Variants in ABCC4 observed in about 807,000 individuals in gnomAD.
ABCC4 encodes the protein ATP-binding cassette sub-family C member 4.
Under a neutral mutation model 168.5 loss-of-function variants are expected in ABCC4, and 102 were observed. The observed-to-expected ratio is 0.61, with a 90% CI of 0.52 to 0.71. The LOEUF (loss-of-function observed/expected upper bound fraction) is 0.71. Ranked by LOEUF, ABCC4 falls within the 30% of genes least tolerant of loss-of-function variation. The pLI, the probability that ABCC4 is intolerant of heterozygous loss-of-function variation, is 0.00. For missense variants in ABCC4, 1,402 were observed against 1,605.8 expected (o/e 0.87, Z 2.17); for synonymous variants, 617 against 590.7 (o/e 1.04, Z -0.65).
chr13:95,042,084 C>G (rs1037795684), intron 29 of ABCC4, among the ~76,000 whole-genome samples: 1 of 152,138 alleles, frequency 6.6e-6, no homozygotes, highest in Non-Finnish European at 1.5e-5. Context: ...GATGGAGACA[C>G]TAATGGAGTT....
chr13:95,159,412 G>A (rs2037012455), intron 19 of ABCC4, among the ~76,000 whole-genome samples: 1 of 151,900 alleles, frequency 6.6e-6, no homozygotes, highest in African/African-American at 2.4e-5. Context: ...AATAGATATA[G>A]GAGGAGGAAG....
intron 19 of ABCC4, among the ~76,000 whole-genome samples, chr13:95,137,914 G>GAATA (rs2139470344): frequency 6.6e-6 from 1 of 152,194 alleles, no homozygotes; most frequent in South Asian, 2.1e-4. Flanking sequence ...ATAAATATCT[G>GAATA]AATAAATAAA....
At position 95,178,886 on chromosome 13, in the gene ABCC4, G is replaced by A. The variant is rs114692058; in HGVS notation, c.1546-795C>T. Among the ~76,000 whole-genome samples the A allele has an allele frequency of 5.5e-3, 839 of 152,290 alleles. 9 individuals carry two copies. The highest frequency in any genetic ancestry group is 0.019 in the African/African-American group (800 of 41,542). On this transcript the variant is annotated intron_variant, in intron 11 of 30. Coordinates refer to ENST00000645237, the MANE Select transcript of ABCC4 (RefSeq NM_005845.5). ...GTCATGTGCTGAACAAATTTTAAAG[G>A]TAGCACCTATAGGATCTGCTGATGA...
At chr13:95,079,720 A>G (rs1360464520) in intron 21 of ABCC4, among the ~76,000 whole-genome samples, 1 of 152,170 alleles carries the variant, frequency 6.6e-6, no homozygotes, top group Non-Finnish European at 1.5e-5. Context: ...CTGCAGTCCT[A>G]GCTATTCAGG....
intron 19 of ABCC4, among the ~76,000 whole-genome samples, chr13:95,132,306 C>T (rs2035994559): frequency 6.6e-6 from 1 of 152,116 alleles, no homozygotes; most frequent in Non-Finnish European, 1.5e-5. Flanking sequence ...ACTTCCGCCT[C>T]CTGGGTTCAA....
chr13:95,198,797 T>C (rs2038535880), intron 8 of ABCC4, among the ~76,000 whole-genome samples: 1 of 152,178 alleles, frequency 6.6e-6, no homozygotes, highest in Non-Finnish European at 1.5e-5. Flanking sequence ...GATGAGTTCA[T>C]GTCCTTTACA....
Position 95,034,715 on chromosome 13 carries a change from C to T in ABCC4, c.3760G>A (p.Glu1254Lys). The T allele has an allele frequency of 6.2e-7, 1 of 1,614,162 alleles. No homozygotes were observed. Among genetic ancestry groups the T allele is most frequent in the Non-Finnish European group, 8.5e-7 (1 of 1,180,024 alleles). The change falls in exon 30 of 31, where the codon GAA becomes AAA. Residue 1254 changes from glutamate to lysine, a missense_variant. Transcript: ENST00000645237. ...IMVLDSGRLK[E>K]YDEPYVLLQN... ...AGCAAAACATACGGCTCATCATATT[C>T]TTTCAGTCTTCCTGAATCTAAAACC...
chr13:95,193,399 G>A (rs186580145), intron 9 of ABCC4, among the ~76,000 whole-genome samples: 22 of 152,312 alleles, frequency 1.4e-4, no homozygotes, highest in Admixed American at 3.9e-4. Flanking sequence ...CCCAAATCTT[G>A]CTGGCAGCTG....
At chr13:95,110,619 G>T (rs987873796) in intron 20 of ABCC4, among the ~76,000 whole-genome samples, 4 of 152,052 alleles carry the variant, frequency 2.6e-5, no homozygotes, top group Non-Finnish European at 5.9e-5. Context: ...ATTGTTTTAA[G>T]AAAATGGAAG....
intron 1 of ABCC4, among the ~76,000 whole-genome samples, chr13:95,283,011 T>C (rs1432100330): frequency 6.6e-6 from 1 of 151,620 alleles, no homozygotes; most frequent in Non-Finnish European, 1.5e-5. Flanking sequence ...AGGTCAGGAA[T>C]CAAGACCATC....
intron 20 of ABCC4, among the ~76,000 whole-genome samples, chr13:95,115,225 C>T (rs1391334173): frequency 1.4e-5 from 2 of 146,418 alleles, no homozygotes; most frequent in East Asian, 3.9e-4. Context: ...GCCTCAAGTT[C>T]ACAAACAAAA....
chr13:95,226,719 C>T (rs933222683), intron 4 of ABCC4, among the ~76,000 whole-genome samples: 7 of 152,122 alleles, frequency 4.6e-5, no homozygotes, highest in African/African-American at 1.4e-4. Context: ...CTACAAAGTG[C>T]CTGGACACCT....
intron 14 of ABCC4, among the ~76,000 whole-genome samples, chr13:95,167,819 C>T (rs1358482798): frequency 6.6e-6 from 1 of 152,096 alleles, no homozygotes; most frequent in East Asian, 1.9e-4. Flanking sequence ...GGGTCGACAG[C>T]AAGAAGCAAG....
chr13:95,163,940 C>T (rs888617749), intron 16 of ABCC4, among the ~76,000 whole-genome samples: 2 of 150,668 alleles, frequency 1.3e-5, no homozygotes, highest in Non-Finnish European at 2.9e-5. Flanking sequence ...ACTCCGGAGG[C>T]TGAGACAGGA....
At position 95,043,693 on chromosome 13, in the gene ABCC4, C is replaced by T. The variant is rs2032456102; in HGVS notation, c.3724G>A (p.Asp1242Asn). 5 of 1,610,998 alleles carry T rather than the reference C, an allele frequency of 3.1e-6. No homozygotes were observed. The highest frequency in any genetic ancestry group is 1.3e-5 in the African/African-American group (1 of 74,918). ...GGTGAAGGACTCACCATTATCTTGT[C>T]GCTGTCAATAATGGTGTTCAATCTG... ...AHRLNTIIDS[D>N]KIMVLDSGRL... Residue 1242 changes from aspartate (D) to asparagine (N), a missense_variant, in exon 29 of 31, where the codon GAC (aspartate) becomes AAC (asparagine). Around this residue, in one of 3 missense-constraint regions of ABCC4, gnomAD observed 1,007 missense variants for 1,127.3 expected, o/e 0.89. Transcript: ENST00000645237.
At chr13:95,096,024 C>A in intron 20 of ABCC4, 1 of 408,636 alleles carries the variant, frequency 2.4e-6, no homozygotes, top group South Asian at 9.5e-5. Flanking sequence ...AATGAAAATT[C>A]TATAAACAAA....
At chr13:95,176,223 C>CGGGGGGGGGGG (rs1491246023) in intron 13 of ABCC4, among the ~76,000 whole-genome samples, 1 of 10,578 alleles carries the variant, frequency 9.5e-5, no homozygotes, top group Admixed American at 2.0e-3. Context: ...AAGCCGAGGG[C>CGGGGGGGGGGG]AGGGGGGGGG....
At chr13:95,161,006 C>CG (rs2037080397) in intron 19 of ABCC4, among the ~76,000 whole-genome samples, 183 bp downstream of exon 19, 2 of 150,658 alleles carry the variant, frequency 1.3e-5, no homozygotes, top group South Asian at 4.3e-4. Context: ...CCCCTCCCCC[C>CG]GCATATTTAG....
At chr13:95,222,937 A>G (rs1185136466) in intron 4 of ABCC4, among the ~76,000 whole-genome samples, 1 of 152,136 alleles carries the variant, frequency 6.6e-6, no homozygotes, top group Non-Finnish European at 1.5e-5. Context: ...CAGCCTCTCC[A>G]TCCCCAAAAA....
Sources: gnomAD v4.1 joint callset for allele counts (sites outside exome capture counted in the v4.1 genomes callset) on GRCh38, gnomAD v4.1.1 for gene constraint, gnomAD v4.1.1 regional missense constraint, MANE v1.5 for transcripts, NCBI Gene and HGNC (gene_info 2026-07-23, HGNC 2026-07-21) for gene names.